The following RIMBP2 variants were observed in gnomAD, a reference collection of about 807,000 sequenced individuals.
The protein encoded by RIMBP2 is RIMS binding protein 2, also known as RIMS-binding protein 2.
A neutral mutation model predicts 118.6 loss-of-function variants in RIMBP2; 48 were observed. The ratio of observed to expected loss-of-function variants is 0.40; its 90% CI spans 0.32 to 0.51. The LOEUF (loss-of-function observed/expected upper bound fraction) is 0.51, where lower values mean the gene tolerates loss of function less well. Ranked by LOEUF, RIMBP2 falls within the 20% of genes least tolerant of loss-of-function variation. The pLI, the probability that RIMBP2 is intolerant of heterozygous loss-of-function variation, is 0.41. For missense variants in RIMBP2, 1,551 were observed against 1,768.3 expected, an observed-to-expected ratio of 0.88 and a Z score of 2.20; for synonymous variants, 762 against 742.9, an observed-to-expected ratio of 1.03 and a Z score of -0.42.
In RIMBP2 at chr12:130,397,524, G is replaced by C; in HGVS notation, c.3926C>G (p.Ala1309Gly). 7.5e-6 allele frequency: 3 copies of C among 399,028 alleles called. No homozygotes were observed. Among genetic ancestry groups the C allele is most frequent in the Non-Finnish European group, 1.3e-5 (3 of 226,084 alleles). 24.7% of individuals were successfully genotyped at this position (399,028 alleles called of 1,614,324 possible). ...GACTGTGGGGGATGGAGCTCTCCTT[G>C]CTGTACCTGAACCCTCAGGAGGAAC... ...KRVPPEGSGT[A>G]RRAPSPTVHL... Residue 1309 changes from alanine to glycine, a missense_variant, in exon 23 of 23, where the codon GCA becomes GGA. Ala to Gly is a moderately conservative substitution (Grantham distance 60, BLOSUM62 0). Transcript: ENST00000690449.
Position 130,450,341 on chromosome 12 carries a change from C to A in RIMBP2, c.505-65G>T. 3 of 1,258,094 alleles carry A rather than the reference C, an allele frequency of 2.4e-6. No homozygotes were observed. The highest frequency in any genetic ancestry group is 3.4e-6 in the Non-Finnish European group (3 of 875,126). 77.9% of individuals were successfully genotyped at this position (1,258,094 alleles called of 1,614,324 possible). On this transcript the variant is annotated intron_variant, in intron 8 of 22. Coordinates refer to ENST00000690449, the MANE Select transcript of RIMBP2 (RefSeq NM_001393629.1). This position sits in a 1 kb window ranked among gnomAD's most constrained non-coding sequence, Gnocchi z 4.8. ...GAGGTGTCCCACCCCATTCCCGCGGCACACGGGAAAGCCCCTCGCAGCTTC... is the reference window on the plus strand; with the variant it reads ...GAGGTGTCCCACCCCATTCCCGCGGAACACGGGAAAGCCCCTCGCAGCTTC...
At chr12:130,585,614 CAAAAAA>C (rs60707391) in intron 2 of RIMBP2, among the ~76,000 whole-genome samples, 1 of 123,014 alleles carries the variant, frequency 8.1e-6, no homozygotes, top group Non-Finnish European at 1.7e-5. Flanking sequence ...GACCCTGTCT[CAAAAAA>C]AAAAAAAAAA....
chr12:130,527,362 T>G (rs181670737), intron 2 of RIMBP2, among the ~76,000 whole-genome samples: 2 of 152,350 alleles, frequency 1.3e-5, no homozygotes, highest in Admixed American at 1.3e-4. Flanking sequence ...AACTCCAAAC[T>G]TCTCAGTTCC....
chr12:130,623,900 C>T lies in RIMBP2; in HGVS notation c.-217+4422G>A, dbSNP rs2061471189. ...TTCCACAGCAGGATTGAGTCCCCAT[C>T]ACCCACAGTGGCAACTGGCTGGATA... On this transcript the variant is annotated intron_variant, in intron 2 of 22. Transcript: ENST00000690449. The surrounding 1 kb of genome is among the most constrained non-coding windows in gnomAD (Gnocchi z 4.1). Among the ~76,000 whole-genome samples the T allele has an allele frequency of 6.6e-6, 1 of 152,236 alleles. No individual in the cohort carries two copies. The highest frequency in any genetic ancestry group is 2.1e-4 in the South Asian group (1 of 4,838).
intron 1 of RIMBP2, among the ~76,000 whole-genome samples, chr12:130,681,243 A>C (rs1312817456): frequency 6.6e-6 from 1 of 152,186 alleles, no homozygotes; most frequent in Non-Finnish European, 1.5e-5. Flanking sequence ...CAGGAGTTCA[A>C]GAACAGCCCA....
chr12:130,413,447 T>G (rs111342836), intron 18 of RIMBP2, among the ~76,000 whole-genome samples: 1,903 of 152,098 alleles, frequency 0.013, 41 homozygotes, highest in African/African-American at 0.043. Context: ...CTGGCTATCA[T>G]GGTGAATCCC....
At chr12:130,458,755 C>T (rs990090075) in intron 6 of RIMBP2, among the ~76,000 whole-genome samples, 12 of 152,038 alleles carry the variant, frequency 7.9e-5, no homozygotes, top group Admixed American at 2.6e-4. Context: ...AATGACCTAA[C>T]TAAAATAGGC....
At chr12:130,647,255 CG>C (rs1157578126) in intron 1 of RIMBP2, among the ~76,000 whole-genome samples, 2 of 152,090 alleles carry the variant, frequency 1.3e-5, no homozygotes, top group Non-Finnish European at 2.9e-5. Flanking sequence ...CCTAGCTACT[CG>C]GGACGCTGAG....
intron 1 of RIMBP2, among the ~76,000 whole-genome samples, chr12:130,715,552 C>T (rs183462156): frequency 1.3e-4 from 20 of 152,324 alleles, no homozygotes; most frequent in Admixed American, 1.1e-3. Flanking sequence ...AGTCTGCCCC[C>T]GGCCAGCAGC....
At chr12:130,473,529 G>A (rs1201708897) in intron 5 of RIMBP2, among the ~76,000 whole-genome samples, 1 of 152,238 alleles carries the variant, frequency 6.6e-6, no homozygotes, top group African/African-American at 2.4e-5. Context: ...GCAATAGGCC[G>A]TCCAGGCCCC....
rs867460067 is a variant in RIMBP2, at chr12:130,646,711, A to G, written c.-351-18255T>C. ...TAAAATTGTACAAAGCTAGAGTTGG[A>G]AAAAAATCGTTGATGTCATCTCCTA... On this transcript the variant is annotated intron_variant, in intron 1 of 22. Coordinates refer to ENST00000690449, the MANE Select transcript of RIMBP2 (RefSeq NM_001393629.1). Among the ~76,000 whole-genome samples the G allele has an allele frequency of 2.0e-4, 31 of 152,378 alleles. 2 individuals carry two copies. The highest frequency in any genetic ancestry group is 3.4e-3 in the Middle Eastern group (1 of 294).
In RIMBP2 at chr12:130,523,163, GTC is replaced by G. The variant is rs752329143; in HGVS notation, c.-216-5248_-216-5247del. Among the ~76,000 whole-genome samples, 4 of 151,918 alleles carry G rather than the reference GTC, an allele frequency of 2.6e-5. No homozygotes were observed. The highest frequency in any genetic ancestry group is 1.9e-4 in the East Asian group (1 of 5,156). On this transcript the variant is annotated intron_variant, in intron 2 of 22. Coordinates refer to ENST00000690449, the MANE Select transcript of RIMBP2 (RefSeq NM_001393629.1). This position sits in a 1 kb window ranked among gnomAD's most constrained non-coding sequence, Gnocchi z 4.4. ...TCTCTCTGCCTCCATGTCTGTCTGT[GTC>G]TCTGTTTCTCTGCCTCTCTGTCTCT...
intron 1 of RIMBP2, among the ~76,000 whole-genome samples, chr12:130,704,378 C>T (rs1031125044): frequency 6.6e-6 from 1 of 152,126 alleles, no homozygotes; most frequent in Non-Finnish European, 1.5e-5. Flanking sequence ...GAGTTTGAGA[C>T]CAACTGGCCA....
intron 2 of RIMBP2, among the ~76,000 whole-genome samples, chr12:130,529,298 G>C (rs1014390256): frequency 6.6e-6 from 1 of 152,096 alleles, no homozygotes; most frequent in South Asian, 2.1e-4. Context: ...ACCTCAGAAT[G>C]ACATCCTGAT....
intron 1 of RIMBP2, among the ~76,000 whole-genome samples, chr12:130,711,116 G>A (rs555686721): frequency 2.6e-5 from 4 of 152,276 alleles, no homozygotes; most frequent in East Asian, 3.9e-4. Context: ...GGTAGCCCAC[G>A]CCTGTAATCC....
intron 1 of RIMBP2, among the ~76,000 whole-genome samples, chr12:130,632,391 ATT>A (rs35286609): frequency 2.0e-5 from 3 of 151,302 alleles, no homozygotes; most frequent in African/African-American, 7.3e-5. Context: ...AGTGATGTAC[ATT>A]TTTTTTTTCT....
chr12:130,705,779 C>T (rs1448118645), intron 1 of RIMBP2, among the ~76,000 whole-genome samples: 1 of 152,224 alleles, frequency 6.6e-6, no homozygotes, highest in African/African-American at 2.4e-5. Flanking sequence ...CCAAGGCAAA[C>T]GCCCACCAAT....
At chr12:130,652,186 A>G (rs1399195613) in intron 1 of RIMBP2, among the ~76,000 whole-genome samples, 1 of 152,188 alleles carries the variant, frequency 6.6e-6, no homozygotes, top group East Asian at 1.9e-4. Flanking sequence ...ATATAGCAGG[A>G]CCCAGGAAAC....
intron 1 of RIMBP2, among the ~76,000 whole-genome samples, chr12:130,636,411 C>T (rs2062351270): frequency 6.6e-6 from 1 of 152,178 alleles, no homozygotes; most frequent in African/African-American, 2.4e-5. Context: ...TGGTTCTGTG[C>T]AGGTGCGAGG....
Sources: gnomAD v4.1 joint callset for allele counts (sites outside exome capture counted in the v4.1 genomes callset) on GRCh38, gnomAD v4.1.1 for gene constraint, Gnocchi (gnomAD v3.1) non-coding constraint, MANE v1.5 for transcripts, NCBI Gene and HGNC (gene_info 2026-07-23, HGNC 2026-07-21) for gene names.